SNX30: variants seen among roughly 807,000 people sequenced by gnomAD.
SNX30 encodes the protein sorting nexin-30.
In SNX30, 24 loss-of-function variants were observed where a neutral mutation model predicts 46.4. The ratio of observed to expected loss-of-function variants is 0.52; its 90% CI spans 0.37 to 0.73. The LOEUF (loss-of-function observed/expected upper bound fraction) is 0.73. SNX30 is among the 30% of genes least tolerant of loss of function. SNX30 has a pLI of 0.00. For synonymous variants in SNX30, 189 were observed against 211.5 expected (o/e 0.89, Z 0.92); for missense variants, 533 against 555.7 (o/e 0.96, Z 0.41).
downstream of SNX30, among the ~76,000 whole-genome samples, chr9:112,876,286 G>A (rs909034190): frequency 6.6e-6 from 1 of 152,086 alleles, no homozygotes; most frequent in African/African-American, 2.4e-5. Flanking sequence ...CTGGGATTTG[G>A]AGGCGATGCC....
rs1004844351 is a variant in SNX30 at position 112,847,448 on chromosome 9, T to TC, written c.1015-3411_1015-3410insC. 1.1e-4 allele frequency among the ~76,000 whole-genome samples: 3 copies of TC among 26,466 alleles called. No homozygotes were observed. The African/African-American group carries it at 1.3e-3, about 11-fold the overall frequency. The allele number at this position is 26,466 out of a possible 152,430, so 17.4% of individuals were successfully genotyped here. ...CATATCTCTAAAATACAAGCATTCT[T>TC]TTTTTTTTTTTTTTAAAAAGGACTA... On this transcript the variant is annotated intron_variant, in intron 6 of 8. Transcript: ENST00000374232.
rs1231815194 is a variant in SNX30, at chr9:112,873,586, T to C, written c.*4743T>C. 1 of 151,956 alleles carries C rather than the reference T, an allele frequency of 6.6e-6. No individual in the cohort carries two copies. Among genetic ancestry groups the C allele is most frequent in the African/African-American group, 2.4e-5 (1 of 41,358 alleles). 9.4% of individuals were successfully genotyped at this position (151,956 alleles called of 1,614,324 possible). A position where few individuals can be genotyped will look rare whatever the true frequency, so the allele number is the denominator to read the frequency against. On this transcript the variant is annotated 3_prime_UTR_variant, in exon 9 of 9. Coordinates refer to ENST00000374232, the MANE Select transcript of SNX30 (RefSeq NM_001012994.2). ...GGGGAGGGGAAAACTAAGGACTGCT[T>C]TTGCCAAATGATATTTTTGATAATG...
intron 1 of SNX30, among the ~76,000 whole-genome samples, chr9:112,795,433 T>C (rs1840090948): frequency 6.6e-6 from 1 of 152,154 alleles, no homozygotes. Context: ...TTGAGTACTT[T>C]TGATAGGCAA....
intron 1 of SNX30, 150 bp from the exon 2 acceptor site, chr9:112,804,626 C>A: frequency 1.6e-6 from 1 of 610,504 alleles, no homozygotes; most frequent in Non-Finnish European, 2.8e-6. Context: ...TTTGTTCACT[C>A]AAGAAACACT....
At chr9:112,829,007 T>C (rs1424628321) in intron 3 of SNX30, among the ~76,000 whole-genome samples, 3 of 152,200 alleles carry the variant, frequency 2.0e-5, no homozygotes, top group African/African-American at 7.2e-5. Context: ...TGGAATCATA[T>C]ATATGGACTT....
At chr9:112,797,872 TA>T (rs1175183761) in intron 1 of SNX30, among the ~76,000 whole-genome samples, 3 of 71,708 alleles carry the variant, frequency 4.2e-5, no homozygotes, top group Admixed American at 2.1e-4. Flanking sequence ...CTAATATTGG[TA>T]TTTTTTTTTT....
chr9:112,782,950 G>T (rs1005844415), intron 1 of SNX30, among the ~76,000 whole-genome samples: 2 of 152,230 alleles, frequency 1.3e-5, no homozygotes, highest in African/African-American at 4.8e-5. Context: ...GTGGAGCTGT[G>T]TGTTAATGGT....
intron 1 of SNX30, among the ~76,000 whole-genome samples, chr9:112,788,555 C>T (rs144833645): frequency 1.8e-4 from 28 of 151,960 alleles, no homozygotes; most frequent in Non-Finnish European, 2.8e-4. Context: ...GTAGCACAGC[C>T]CTACCTGGGC....
intron 1 of SNX30, among the ~76,000 whole-genome samples, chr9:112,804,321 T>A (rs2096187): frequency 6.6e-6 from 1 of 152,026 alleles, no homozygotes; most frequent in East Asian, 1.9e-4. Flanking sequence ...TGCACCACCA[T>A]GTCCAGCTAA....
At chr9:112,765,610 G>A (rs896420969) in intron 1 of SNX30, among the ~76,000 whole-genome samples, 1 of 152,120 alleles carries the variant, frequency 6.6e-6, no homozygotes, top group African/African-American at 2.4e-5. Flanking sequence ...CCTCCATGTT[G>A]TATGTATCAG....
At chr9:112,883,760 C>T (rs924356361), downstream of SNX30, among the ~76,000 whole-genome samples, 2 of 149,590 alleles carry the variant, frequency 1.3e-5, no homozygotes, top group Non-Finnish European at 3.0e-5. Flanking sequence ...TGCAGTGGCA[C>T]GATCTCAGCT....
chr9:112,779,301 GC>G (rs1421115283), intron 1 of SNX30, among the ~76,000 whole-genome samples: 1 of 152,196 alleles, frequency 6.6e-6, no homozygotes, highest in East Asian at 1.9e-4. Flanking sequence ...ACTGTGGTGA[GC>G]TTTTTGTGGA....
chr9:112,855,389 C>T (rs1200985764), intron 7 of SNX30, among the ~76,000 whole-genome samples: 1 of 152,156 alleles, frequency 6.6e-6, no homozygotes, highest in Non-Finnish European at 1.5e-5. Flanking sequence ...GCAGAAGATC[C>T]GAGGGAGTCT....
chr9:112,880,083 C>T (rs540305733), exon 5 of SNX30: 5 of 332,224 alleles, frequency 1.5e-5, no homozygotes, highest in South Asian at 7.6e-5. Context: ...GTAATCCCAA[C>T]AGTTTGGGAG....
intron 1 of SNX30, among the ~76,000 whole-genome samples, chr9:112,765,434 T>C (rs951056380): frequency 1.5e-4 from 23 of 152,348 alleles, no homozygotes; most frequent in African/African-American, 5.5e-4. Context: ...CCCATACCTG[T>C]GAGCAAACAC....
At chr9:112,787,606 G>T (rs187931571) in intron 1 of SNX30, among the ~76,000 whole-genome samples, 76 of 151,972 alleles carry the variant, frequency 5.0e-4, no homozygotes, top group Non-Finnish European at 5.7e-4. Context: ...TATTTTTGAG[G>T]CTCTAATAAT....
intron 1 of SNX30, among the ~76,000 whole-genome samples, chr9:112,778,400 G>A (rs1839784051): frequency 6.6e-6 from 1 of 151,436 alleles, no homozygotes; most frequent in Admixed American, 6.6e-5. Context: ...AGCCTCTCGA[G>A]TAGCTGGGAT....
chr9:112,786,035 T>C (rs1161048698), intron 1 of SNX30, among the ~76,000 whole-genome samples: 1 of 152,164 alleles, frequency 6.6e-6, no homozygotes, highest in Non-Finnish European at 1.5e-5. Context: ...CTCTTGCATA[T>C]TGGCTTCAAG....
chr9:112,882,851 T>C (rs369180494), downstream of SNX30, among the ~76,000 whole-genome samples: 19 of 152,174 alleles, frequency 1.2e-4, no homozygotes, highest in South Asian at 2.1e-4. Context: ...GTACTTTAGG[T>C]TGCTTAGAAA....
Sources: allele counts gnomAD v4.1 joint callset (sites outside exome capture counted in the v4.1 genomes callset), GRCh38; gene constraint gnomAD v4.1.1; transcripts MANE v1.5; gene names NCBI Gene and HGNC (gene_info 2026-07-23, HGNC 2026-07-21).